The following MACROD2 variants were observed in gnomAD, a reference collection of about 807,000 sequenced individuals.
The protein encoded by MACROD2 is ADP-ribose glycohydrolase MACROD2.
In MACROD2, 36 loss-of-function variants were observed where a neutral mutation model predicts 70.4. The ratio of observed to expected loss-of-function variants is 0.51; its 90% confidence interval spans 0.39 to 0.68. The LOEUF (loss-of-function observed/expected upper bound fraction) is 0.68. Ranked by LOEUF, MACROD2 falls within the 30% of genes least tolerant of loss-of-function variation. The probability of loss-of-function intolerance (pLI) is 0.00; values close to 1 mark genes in which losing one functional copy is unlikely to be tolerated. For missense variants in MACROD2, 496 were observed against 538.4 expected, an observed-to-expected ratio of 0.92 and a Z score of 0.78; for synonymous variants, 172 against 178.8, an observed-to-expected ratio of 0.96 and a Z score of 0.30.
intron 10 of MACROD2, among the ~76,000 whole-genome samples, chr20:15,903,020 A>C (rs1033441353): frequency 2.6e-5 from 4 of 152,124 alleles, no homozygotes; most frequent in Admixed American, 2.6e-4. Flanking sequence ...TTGAGAAGAA[A>C]CCTGAAAAGC....
chr20:14,693,643 T>C (rs2123616328), intron 5 of MACROD2, among the ~76,000 whole-genome samples: 1 of 152,326 alleles, frequency 6.6e-6, no homozygotes, highest in East Asian at 1.9e-4. Flanking sequence ...GAGGTGTTTC[T>C]ACTTGAAAAT....
intron 5 of MACROD2, chr20:14,934,967 G>T (rs1001334361): frequency 1.3e-5 from 2 of 152,052 alleles, no homozygotes; most frequent in African/African-American, 4.8e-5. Context: ...ACTCTCCTGA[G>T]GGGACTCTTC....
At chr20:14,984,094 T>C (rs1335336688) in intron 5 of MACROD2, among the ~76,000 whole-genome samples, 1 of 151,998 alleles carries the variant, frequency 6.6e-6, no homozygotes, top group Non-Finnish European at 1.5e-5. Context: ...GAATACCTAC[T>C]TAAGTACAAT....
intron 5 of MACROD2, among the ~76,000 whole-genome samples, chr20:14,874,081 A>G (rs1296812539): frequency 6.6e-6 from 1 of 152,102 alleles, no homozygotes; most frequent in African/African-American, 2.4e-5. Flanking sequence ...AAGCTTGCCT[A>G]TCTCTAACAC....
At chr20:14,216,384 T>C (rs2081622905) in intron 3 of MACROD2, among the ~76,000 whole-genome samples, 2 of 152,296 alleles carry the variant, frequency 1.3e-5, no homozygotes, top group South Asian at 4.1e-4. Flanking sequence ...TTTGTACCAG[T>C]ACCACACTGT....
chr20:15,043,815 A>G (rs573137072), intron 5 of MACROD2, among the ~76,000 whole-genome samples: 21 of 152,298 alleles, frequency 1.4e-4, no homozygotes, highest in Non-Finnish European at 1.3e-4. Flanking sequence ...ATATTTTATT[A>G]GAATGGATCA....
At chr20:14,553,546 C>G (rs1171782501) in intron 4 of MACROD2, among the ~76,000 whole-genome samples, 1 of 150,926 alleles carries the variant, frequency 6.6e-6, no homozygotes, top group Non-Finnish European at 1.5e-5. Context: ...ATGTACTATA[C>G]TTTTGTATGA....
chr20:14,825,914 T>A (rs1268539367), intron 5 of MACROD2, among the ~76,000 whole-genome samples: 3 of 152,142 alleles, frequency 2.0e-5, no homozygotes, highest in African/African-American at 7.2e-5. Flanking sequence ...TTCCTCTGAA[T>A]AGTTAATTGG....
chr20:15,498,986 T>C (rs2047332283), intron 7 of MACROD2, among the ~76,000 whole-genome samples: 1 of 152,204 alleles, frequency 6.6e-6, no homozygotes, highest in African/African-American at 2.4e-5. Context: ...TCTCTTCTGC[T>C]TCCTGCTCTG....
chr20:15,669,645 G>A (rs570774058), intron 8 of MACROD2, among the ~76,000 whole-genome samples: 1 of 152,298 alleles, frequency 6.6e-6, no homozygotes, highest in East Asian at 1.9e-4. Context: ...CTGGTCATTA[G>A]GGAATGGAGA....
At chr20:14,171,595 A>T (rs1286051750) in intron 3 of MACROD2, among the ~76,000 whole-genome samples, 5 of 152,102 alleles carry the variant, frequency 3.3e-5, no homozygotes, top group Admixed American at 3.3e-4. Context: ...TTGATTGTTG[A>T]CTCAACAATC....
chr20:15,176,145 C>T (rs183631166), intron 5 of MACROD2, among the ~76,000 whole-genome samples: 206 of 152,344 alleles, frequency 1.4e-3, no homozygotes, highest in African/African-American at 4.7e-3. Context: ...CCCCTCTAGA[C>T]TTTGGGAACC....
intron 5 of MACROD2, among the ~76,000 whole-genome samples, chr20:14,696,152 T>A (rs1364419372): frequency 6.6e-6 from 1 of 152,028 alleles, no homozygotes; most frequent in Non-Finnish European, 1.5e-5. Flanking sequence ...GAAAAACTAT[T>A]ATGAACGAAA....
At chr20:14,032,634 A>C (rs905700713) in intron 2 of MACROD2, among the ~76,000 whole-genome samples, 1 of 152,018 alleles carries the variant, frequency 6.6e-6, no homozygotes, top group Non-Finnish European at 1.5e-5. Context: ...CTGTTTTTGT[A>C]TTTTAACTTT....
chr20:15,511,040 T>C (rs2047492117), intron 8 of MACROD2, among the ~76,000 whole-genome samples: 1 of 152,164 alleles, frequency 6.6e-6, no homozygotes, highest in Non-Finnish European at 1.5e-5. Context: ...GTTAAGGGCC[T>C]CAGGCAAGGA....
At chr20:15,036,852 T>A (rs1322309161) in intron 5 of MACROD2, among the ~76,000 whole-genome samples, 1 of 151,910 alleles carries the variant, frequency 6.6e-6, no homozygotes, top group Non-Finnish European at 1.5e-5. Flanking sequence ...TCTCTTCTTT[T>A]TATAAAGATT....
chr20:15,050,598 G>C (rs1163496172), intron 5 of MACROD2, among the ~76,000 whole-genome samples: 1 of 125,540 alleles, frequency 8.0e-6, no homozygotes, highest in Non-Finnish European at 1.6e-5. Context: ...CTGGAGTGCA[G>C]TGGCATGATC....
intron 3 of MACROD2, among the ~76,000 whole-genome samples, chr20:14,147,033 AGTAT>A (rs1432238038): frequency 6.6e-6 from 1 of 152,136 alleles, no homozygotes; most frequent in Non-Finnish European, 1.5e-5. Flanking sequence ...CTTTTCCTGT[AGTAT>A]GGTGAGTGGT....
At chr20:15,573,890 TTAGAG>T (rs953461183) in intron 8 of MACROD2, among the ~76,000 whole-genome samples, 1 of 152,178 alleles carries the variant, frequency 6.6e-6, no homozygotes, top group African/African-American at 2.4e-5. Context: ...CACCTGATTC[TTAGAG>T]TAATGTTTAA....
Sources: gnomAD v4.1 joint callset for allele counts (sites outside exome capture counted in the v4.1 genomes callset) on GRCh38, gnomAD v4.1.1 for gene constraint, MANE v1.5 for transcripts, NCBI Gene and HGNC (gene_info 2026-07-23, HGNC 2026-07-21) for gene names.